RGS20: variants seen among roughly 807,000 people sequenced by gnomAD.
The protein encoded by RGS20 is regulator of G protein signaling 20, also known as gz-selective GTPase-activating protein.
RGS20 carries 30 observed loss-of-function variants against 33.6 expected under a neutral mutation model. That is an observed-to-expected ratio of 0.89 (90% CI 0.67 to 1.21). The LOEUF (loss-of-function observed/expected upper bound fraction) is 1.21. RGS20 is among the 50% of genes most tolerant of loss of function. RGS20 has a pLI of 0.00. For missense variants in RGS20, 472 were observed against 502.4 expected, an observed-to-expected ratio of 0.94 and a Z score of 0.58; for synonymous variants, 208 against 197.9, an observed-to-expected ratio of 1.05 and a Z score of -0.43.
intron 2 of RGS20, among the ~76,000 whole-genome samples, chr8:53,909,209 G>GTGTATGTGTA (rs1242600309): frequency 1.8e-4 from 8 of 43,730 alleles, no homozygotes; most frequent in African/African-American, 9.0e-4. Flanking sequence ...TGGTATGTGT[G>GTGTATGTGTA]TATATATATA....
intron 2 of RGS20, among the ~76,000 whole-genome samples, chr8:53,926,916 A>AAAAGAAAGAAAG (rs113848798): frequency 1.3e-5 from 2 of 152,052 alleles, no homozygotes; most frequent in African/African-American, 4.8e-5. Context: ...CCATCTCAAA[A>AAAAGAAAGAAAG]AAAGAAAGAA....
intron 2 of RGS20, among the ~76,000 whole-genome samples, chr8:53,903,216 G>A (rs1345808153): frequency 6.6e-6 from 1 of 152,114 alleles, no homozygotes; most frequent in Non-Finnish European, 1.5e-5. Flanking sequence ...ACATTTTTCT[G>A]GACACATAAT....
intron 5 of RGS20, among the ~76,000 whole-genome samples, chr8:53,954,850 G>C (rs2129294472): frequency 6.6e-6 from 1 of 150,978 alleles, no homozygotes; most frequent in East Asian, 2.1e-4. Context: ...ACCAGGCCTG[G>C]CTAATTTTTG....
intron 2 of RGS20, among the ~76,000 whole-genome samples, chr8:53,899,353 C>T (rs994276232): frequency 9.9e-5 from 15 of 152,258 alleles, no homozygotes; most frequent in Admixed American, 3.9e-4. Context: ...TTATGTCAGG[C>T]GAACAAGTTA....
At chr8:53,880,876 C>G (rs954388664) in intron 2 of RGS20, 14 of 1,462,920 alleles carry the variant, frequency 9.6e-6, no homozygotes, top group Non-Finnish European at 1.2e-5. Context: ...GGAGGCAGAG[C>G]AAGGGGAGGA....
At chr8:53,952,244 AT>A (rs993312770) in intron 4 of RGS20, among the ~76,000 whole-genome samples, 1,644 of 88,206 alleles carry the variant, frequency 0.019, 18 homozygotes, top group African/African-American at 0.075. Flanking sequence ...TGCCCAGCTA[AT>A]TTTTTTTTTT....
chr8:53,852,229 A>G (rs1200199277), intron 1 of RGS20, among the ~76,000 whole-genome samples: 2 of 152,244 alleles, frequency 1.3e-5, no homozygotes, highest in Non-Finnish European at 1.5e-5. Context: ...AACCTAGATG[A>G]TAATTACCTG....
chr8:53,953,984 TGGA>T (rs1814786450), intron 4 of RGS20, 89 bp from the exon 4 acceptor site: 1 of 893,656 alleles, frequency 1.1e-6, no homozygotes, highest in African/African-American at 1.7e-5. Flanking sequence ...TTTTCATTCT[TGGA>T]GGAGGAAAAG....
At chr8:53,890,912 T>C (rs1395225144) in intron 2 of RGS20, among the ~76,000 whole-genome samples, 3 of 152,238 alleles carry the variant, frequency 2.0e-5, no homozygotes, top group East Asian at 1.9e-4. Context: ...GAATTTTCTC[T>C]TGGATTCCAG....
intron 5 of RGS20, among the ~76,000 whole-genome samples, chr8:53,957,637 T>A (rs903837426): frequency 3.9e-5 from 6 of 152,194 alleles, no homozygotes; most frequent in Non-Finnish European, 8.8e-5. Context: ...AAAGCAGCAG[T>A]GTGAGCCCTG....
intron 2 of RGS20, among the ~76,000 whole-genome samples, chr8:53,884,650 T>C (rs1812488302): frequency 6.6e-6 from 1 of 152,232 alleles, no homozygotes; most frequent in African/African-American, 2.4e-5. Context: ...TGAAGACTTC[T>C]GACTCATTCC....
At chr8:53,902,487 A>G (rs1813057907) in intron 2 of RGS20, among the ~76,000 whole-genome samples, 1 of 151,752 alleles carries the variant, frequency 6.6e-6, no homozygotes, top group Non-Finnish European at 1.5e-5. Flanking sequence ...ACCAATTTAC[A>G]CTCCCATCAG....
chr8:53,895,648 CTTTT>C (rs564840669), intron 2 of RGS20, among the ~76,000 whole-genome samples: 1 of 142,684 alleles, frequency 7.0e-6, no homozygotes, highest in Non-Finnish European at 1.5e-5. Flanking sequence ...CTTTTTATTC[CTTTT>C]TTTTTTTTTT....
intron 1 of RGS20, among the ~76,000 whole-genome samples, chr8:53,866,759 G>T (rs1811928299): frequency 6.6e-6 from 1 of 152,062 alleles, no homozygotes; most frequent in Non-Finnish European, 1.5e-5. Flanking sequence ...CCGTGTAGGT[G>T]CAAAGGCTGG....
chr8:53,863,096 T>C (rs1811844695), intron 1 of RGS20, among the ~76,000 whole-genome samples: 1 of 152,154 alleles, frequency 6.6e-6, no homozygotes, highest in Non-Finnish European at 1.5e-5. Context: ...CAAGGGATTC[T>C]CCTGCCTCAG....
intron 3 of RGS20, among the ~76,000 whole-genome samples, chr8:53,945,761 GGCGT>G (rs1814455613): frequency 6.6e-6 from 1 of 152,048 alleles, no homozygotes; most frequent in African/African-American, 2.4e-5. Flanking sequence ...AAAGTAGCCG[GGCGT>G]GTTGGCACAT....
At chr8:53,934,993 C>T (rs532934081) in intron 2 of RGS20, among the ~76,000 whole-genome samples, 63 of 152,262 alleles carry the variant, frequency 4.1e-4, no homozygotes, top group South Asian at 3.9e-3. Context: ...AACTGAACAA[C>T]CTGCTCTTGA....
intron 1 of RGS20, among the ~76,000 whole-genome samples, chr8:53,866,336 G>C (rs1327299849): frequency 2.0e-5 from 3 of 152,068 alleles, no homozygotes; most frequent in South Asian, 4.2e-4. Context: ...GCAGAGAAAT[G>C]ATGAGCCCCT....
At chr8:53,915,301 C>A (rs1019023849) in intron 2 of RGS20, among the ~76,000 whole-genome samples, 11 of 152,198 alleles carry the variant, frequency 7.2e-5, no homozygotes, top group African/African-American at 1.9e-4. Context: ...GCTTTCTCTC[C>A]TTTCCGAGCT....
Sources: allele counts gnomAD v4.1 joint callset (sites outside exome capture counted in the v4.1 genomes callset), GRCh38; gene constraint gnomAD v4.1.1; transcripts MANE v1.5; gene names NCBI Gene and HGNC (gene_info 2026-07-23, HGNC 2026-07-21).